KLHL29: variants seen among roughly 807,000 people sequenced by gnomAD.
The protein encoded by KLHL29 is kelch like family member 29.
A neutral mutation model predicts 80.4 loss-of-function variants in KLHL29; 21 were observed. The ratio of observed to expected loss-of-function variants is 0.26; its 90% CI spans 0.19 to 0.38. KLHL29 has a LOEUF of 0.38. Ranked by LOEUF, KLHL29 falls within the 10% of genes least tolerant of loss-of-function variation. KLHL29 has a pLI of 1.00. For synonymous variants in KLHL29, 511 were observed against 526.8 expected, an observed-to-expected ratio of 0.97 and a Z score of 0.41; for missense variants, 867 against 1,223.9, an observed-to-expected ratio of 0.71 and a Z score of 4.35.
rs185193140 is a variant in KLHL29, at chr2:23,569,112, T to C, written c.285+6631T>C. Among the ~76,000 whole-genome samples, 736 of 152,290 alleles carry C rather than the reference T, an allele frequency of 4.8e-3. 4 individuals carry two copies. The highest frequency in any genetic ancestry group is 0.016 in the African/African-American group (673 of 41,546). On this transcript the variant is annotated intron_variant, in intron 3 of 13. Transcript: ENST00000486442. ...GGTTAGTGGGACTGGAACACTGCTGTCCCCAGGACATGCAGAAGGACATAT... is the reference window on the plus strand; with the variant it reads ...GGTTAGTGGGACTGGAACACTGCTGCCCCCAGGACATGCAGAAGGACATAT...
At chr2:23,546,834 C>T (rs566914462) in intron 2 of KLHL29, among the ~76,000 whole-genome samples, 12 of 152,178 alleles carry the variant, frequency 7.9e-5, no homozygotes, top group South Asian at 4.1e-4. Flanking sequence ...AAAAGGCTCC[C>T]GGGGATATCT....
intron 3 of KLHL29, among the ~76,000 whole-genome samples, chr2:23,586,425 T>G (rs1203546302): frequency 6.9e-6 from 1 of 144,458 alleles, no homozygotes; most frequent in African/African-American, 2.6e-5. Context: ...AATAGCGTGG[T>G]CTCAGCTCAC....
chr2:23,534,140 G>A lies in KLHL29; in HGVS notation c.-45-28012G>A, dbSNP rs546518385. Among the ~76,000 whole-genome samples, 19 of 152,168 alleles carry A rather than the reference G, an allele frequency of 1.2e-4. No individual in the cohort carries two copies. In the South Asian group the frequency reaches 1.5e-3, roughly 12 times the overall value. On this transcript the variant is annotated intron_variant, in intron 2 of 13. Transcript: ENST00000486442. ...CCCGCTGAGCAGCACCCATTTTATC[G>A]TGTTTCTTCCCACAGCACAGGAAAC... is the stretch of plus-strand genomic sequence containing the variant.
At chr2:23,613,763 CAAAAAAA>C (rs1157736706) in intron 3 of KLHL29, among the ~76,000 whole-genome samples, 34 of 63,708 alleles carry the variant, frequency 5.3e-4, no homozygotes, top group African/African-American at 2.8e-3. Context: ...GACTCCATCT[CAAAAAAA>C]AAAAAAAAAA....
chr2:23,654,544 C>T (rs2149165557), intron 5 of KLHL29, among the ~76,000 whole-genome samples: 1 of 152,236 alleles, frequency 6.6e-6, no homozygotes, highest in East Asian at 1.9e-4. Flanking sequence ...GGATGTGTGG[C>T]CTCCCCCTGG....
intron 2 of KLHL29, among the ~76,000 whole-genome samples, chr2:23,520,996 C>CT (rs201686544): frequency 1.3e-5 from 2 of 151,380 alleles, no homozygotes; most frequent in Admixed American, 6.6e-5. Context: ...AAGACCACCC[C>CT]CCCCCCCGCT....
At chr2:23,643,062 T>C in intron 5 of KLHL29, 1 of 704,354 alleles carries the variant, frequency 1.4e-6, no homozygotes, top group Non-Finnish European at 2.6e-6. Context: ...ACAAACAAAG[T>C]GGGAAAATGC....
chr2:23,591,822 C>T (rs1239785263), intron 3 of KLHL29, among the ~76,000 whole-genome samples: 7 of 152,226 alleles, frequency 4.6e-5, no homozygotes, highest in South Asian at 2.1e-4. Context: ...CACACCCACC[C>T]GCCCCTCAGG....
At chr2:23,427,455 C>G (rs976363766) in intron 1 of KLHL29, among the ~76,000 whole-genome samples, 3 of 152,150 alleles carry the variant, frequency 2.0e-5, no homozygotes, top group Non-Finnish European at 4.4e-5. Context: ...TTTAAAACTT[C>G]TAGGTGTTAA....
intron 2 of KLHL29, among the ~76,000 whole-genome samples, chr2:23,504,866 C>T (rs527400759): frequency 4.1e-4 from 62 of 152,314 alleles, no homozygotes; most frequent in South Asian, 8.3e-4. Flanking sequence ...GTGCCCAGGC[C>T]TCTCCTCCTC....
At chr2:23,694,447 A>G (rs1278362639) in intron 8 of KLHL29, among the ~76,000 whole-genome samples, 4 of 151,460 alleles carry the variant, frequency 2.6e-5, no homozygotes, top group Admixed American at 1.3e-4. Context: ...CTCCAAATCC[A>G]TTTTCCACCC....
chr2:23,540,911 A>G (rs1396367004), intron 2 of KLHL29, among the ~76,000 whole-genome samples: 2 of 152,304 alleles, frequency 1.3e-5, no homozygotes, highest in East Asian at 3.9e-4. Context: ...CATATATCGT[A>G]TCTATGGGAT....
intron 3 of KLHL29, among the ~76,000 whole-genome samples, chr2:23,610,967 A>C (rs1042529064): frequency 6.6e-6 from 1 of 152,206 alleles, no homozygotes; most frequent in South Asian, 2.1e-4. Flanking sequence ...ATTACTGCCC[A>C]CATGGAGCTT....
chr2:23,598,081 G>A (rs1011579971), intron 3 of KLHL29, among the ~76,000 whole-genome samples: 2 of 152,194 alleles, frequency 1.3e-5, no homozygotes, highest in African/African-American at 4.8e-5. Flanking sequence ...GTTTGGAAAC[G>A]GTGTCCTGGG....
At chr2:23,686,698 G>A (rs1191194509) in intron 6 of KLHL29, among the ~76,000 whole-genome samples, 2 of 152,184 alleles carry the variant, frequency 1.3e-5, no homozygotes, top group Admixed American at 6.5e-5. Flanking sequence ...AAGCTGAGCA[G>A]CCTGACGGAC....
At chr2:23,676,846 C>G (rs780722597) in intron 5 of KLHL29, among the ~76,000 whole-genome samples, 2 of 152,092 alleles carry the variant, frequency 1.3e-5, no homozygotes, top group Non-Finnish European at 2.9e-5. Context: ...TGCAGGAGCC[C>G]ATGGTAAGGA....
chr2:23,577,759 A>T (rs1243448569), intron 3 of KLHL29, among the ~76,000 whole-genome samples: 1 of 151,992 alleles, frequency 6.6e-6, no homozygotes, highest in African/African-American at 2.4e-5. Context: ...AAAAAAAAAA[A>T]AAAGAAAAGA....
At chr2:23,390,891 T>C (rs1666304601) in intron 1 of KLHL29, among the ~76,000 whole-genome samples, 1 of 152,118 alleles carries the variant, frequency 6.6e-6, no homozygotes, top group Non-Finnish European at 1.5e-5. Flanking sequence ...TGACCTCAGG[T>C]GATCCACCCG....
At chr2:23,543,231 A>G (rs1410492267) in intron 2 of KLHL29, among the ~76,000 whole-genome samples, 1 of 152,182 alleles carries the variant, frequency 6.6e-6, no homozygotes, top group African/African-American at 2.4e-5. Flanking sequence ...CATTCTGCAC[A>G]TGTCGGCAAG....
Sources: allele counts gnomAD v4.1 joint callset (sites outside exome capture counted in the v4.1 genomes callset), GRCh38; gene constraint gnomAD v4.1.1; transcripts MANE v1.5; gene names NCBI Gene and HGNC (gene_info 2026-07-23, HGNC 2026-07-21).